KCNH8: variants seen among roughly 807,000 people sequenced by gnomAD.
KCNH8 encodes the protein voltage-gated delayed rectifier potassium channel KCNH8.
Under a neutral mutation model 103.6 loss-of-function variants are expected in KCNH8, and 70 were observed. The observed-to-expected ratio is 0.68, with a 90% CI of 0.56 to 0.82. The LOEUF is 0.82. KCNH8 is among the 40% of genes least tolerant of loss of function. The pLI, the probability that KCNH8 is intolerant of heterozygous loss-of-function variation, is 0.00. For synonymous variants in KCNH8, 498 were observed against 489.4 expected, an observed-to-expected ratio of 1.02 and a Z score of -0.23; for missense variants, 1,217 against 1,329.9, an observed-to-expected ratio of 0.92 and a Z score of 1.32.
intron 3 of KCNH8, among the ~76,000 whole-genome samples, chr3:19,303,071 A>G (rs564969408): frequency 1.3e-5 from 2 of 152,290 alleles, no homozygotes; most frequent in East Asian, 1.9e-4. Context: ...TACTTCCTCA[A>G]GGATATATCA....
chr3:19,211,537 C>G (rs926810190), intron 1 of KCNH8, among the ~76,000 whole-genome samples: 1 of 152,132 alleles, frequency 6.6e-6, no homozygotes, highest in Non-Finnish European at 1.5e-5. Context: ...GTTGAACCAT[C>G]AGTGAGAAAG....
intron 1 of KCNH8, among the ~76,000 whole-genome samples, chr3:19,190,083 A>G (rs1349371731): frequency 6.6e-6 from 1 of 151,804 alleles, no homozygotes; most frequent in East Asian, 1.9e-4. Flanking sequence ...CTGAGGGGGG[A>G]ATACTTAAGG....
intron 11 of KCNH8, among the ~76,000 whole-genome samples, chr3:19,466,694 G>A (rs1575100025): frequency 9.1e-6 from 1 of 109,732 alleles, no homozygotes; most frequent in African/African-American, 3.6e-5. Flanking sequence ...ATGAAGTCTC[G>A]CTCTTGCCGC....
At position 19,233,622 on chromosome 3, in the gene KCNH8, C is replaced by A. The variant is rs149422418; in HGVS notation, c.77-20032C>A. Reference sequence around the variant, plus strand: ...CATTGATGAGAAAAAAACATCAGTTCCCAGCCTGGGCCACTGTCTGTGTGG... The same window carrying A: ...CATTGATGAGAAAAAAACATCAGTTACCAGCCTGGGCCACTGTCTGTGTGG... On this transcript the variant is annotated intron_variant, in intron 1 of 15. Coordinates refer to ENST00000328405, the MANE Select transcript of KCNH8 (RefSeq NM_144633.3). 1.4e-3 allele frequency among the ~76,000 whole-genome samples: 217 copies of A among 152,218 alleles called. 2 individuals carry two copies. Among genetic ancestry groups the A allele is most frequent in the Admixed American group, 4.3e-3 (66 of 15,292 alleles).
intron 15 of KCNH8, among the ~76,000 whole-genome samples, chr3:19,533,138 A>C (rs1040068548): frequency 6.7e-6 from 1 of 149,326 alleles, no homozygotes; most frequent in African/African-American, 2.5e-5. Context: ...TGGGAGGTGG[A>C]GCTTGCAGTG....
intron 15 of KCNH8, among the ~76,000 whole-genome samples, chr3:19,520,098 A>G (rs1008509920): frequency 6.6e-6 from 1 of 150,928 alleles, no homozygotes; most frequent in African/African-American, 2.4e-5. Context: ...TTTAAATTAT[A>G]CTTTAAGTTC....
chr3:19,288,541 C>T (rs541972445), intron 3 of KCNH8, among the ~76,000 whole-genome samples: 24 of 152,128 alleles, frequency 1.6e-4, no homozygotes, highest in Non-Finnish European at 2.4e-4. Flanking sequence ...TCATCCATGT[C>T]CCTACAAAGG....
At chr3:19,265,826 C>T (rs184455823) in intron 2 of KCNH8, among the ~76,000 whole-genome samples, 12 of 152,180 alleles carry the variant, frequency 7.9e-5, no homozygotes, top group Admixed American at 2.6e-4. Flanking sequence ...CGACTGGCTA[C>T]AATTATATTA....
intron 1 of KCNH8, among the ~76,000 whole-genome samples, chr3:19,209,509 G>A (rs557427086): frequency 1.3e-5 from 2 of 152,086 alleles, no homozygotes; most frequent in African/African-American, 2.4e-5. Flanking sequence ...TGGGATTTTC[G>A]TAGGGTTTCT....
At chr3:19,462,569 A>G (rs947181660) in intron 11 of KCNH8, among the ~76,000 whole-genome samples, 1 of 152,110 alleles carries the variant, frequency 6.6e-6, no homozygotes, top group Non-Finnish European at 1.5e-5. Flanking sequence ...AGATGGCAGA[A>G]ATGTTCTCCC....
chr3:19,221,196 C>T (rs2063870334), intron 1 of KCNH8, among the ~76,000 whole-genome samples: 1 of 152,128 alleles, frequency 6.6e-6, no homozygotes, highest in Non-Finnish European at 1.5e-5. Context: ...CCAAGTATAG[C>T]TGTTGCTAGT....
intron 5 of KCNH8, among the ~76,000 whole-genome samples, chr3:19,382,070 A>G (rs1342004848): frequency 6.6e-6 from 1 of 152,192 alleles, no homozygotes; most frequent in Non-Finnish European, 1.5e-5. Flanking sequence ...CCTTAAGATC[A>G]ATGCATTTTA....
chr3:19,513,675 A>G (rs866648143), intron 13 of KCNH8, among the ~76,000 whole-genome samples: 1 of 152,168 alleles, frequency 6.6e-6, no homozygotes, highest in Non-Finnish European at 1.5e-5. Flanking sequence ...TATCCCCTCA[A>G]TGCTTGATCT....
intron 3 of KCNH8, among the ~76,000 whole-genome samples, chr3:19,293,425 T>C (rs1305817510): frequency 1.3e-5 from 2 of 152,214 alleles, no homozygotes. Context: ...ATCCTTACTA[T>C]TCAAAGTGTG....
Position 19,395,098 on chromosome 3 carries a change from C to A in KCNH8, c.970-6C>A. 6.2e-7 allele frequency: 1 copy of A among 1,609,310 alleles called. No homozygotes were observed. On this transcript the variant is annotated splice_region_variant and splice_polypyrimidine_tract_variant and intron_variant, in intron 6 of 15. Transcript: ENST00000328405. The stretch of plus-strand genomic sequence containing the variant: ...CCAAGTTGTGCTGCTCTGTCTCTTA[C>A]CACAGGTGTCTCTCGTGCATCTTCT...
At position 19,323,506 on chromosome 3, in the gene KCNH8, A is replaced by G. The variant is rs139309529; in HGVS notation, c.443-19081A>G. 3.2e-3 allele frequency among the ~76,000 whole-genome samples: 488 copies of G among 152,260 alleles called. 7 individuals carry two copies. The highest frequency in any genetic ancestry group is 0.011 in the African/African-American group (449 of 41,564). On this transcript the variant is annotated intron_variant, in intron 3 of 15. Coordinates refer to ENST00000328405, the MANE Select transcript of KCNH8 (RefSeq NM_144633.3). ...TGTCTTCTGAATTCTTTTTGTGGCA[A>G]TTCAGAGGTTTTGTCTTGGTTTGGA...
intron 5 of KCNH8, among the ~76,000 whole-genome samples, chr3:19,373,601 T>A (rs552870750): frequency 6.6e-6 from 1 of 152,282 alleles, no homozygotes; most frequent in East Asian, 1.9e-4. Context: ...TTTGTGTCTC[T>A]ATTTCCTTCA....
intron 1 of KCNH8, among the ~76,000 whole-genome samples, chr3:19,190,775 C>T (rs999818089): frequency 8.6e-5 from 13 of 151,976 alleles, no homozygotes; most frequent in African/African-American, 2.9e-4. Flanking sequence ...TAGGACTGTG[C>T]GCAGGAAGAA....
At chr3:19,277,844 C>T (rs1318117491) in intron 2 of KCNH8, among the ~76,000 whole-genome samples, 1 of 152,150 alleles carries the variant, frequency 6.6e-6, no homozygotes, top group Non-Finnish European at 1.5e-5. Flanking sequence ...AGAGCCTCAT[C>T]TGTGTTGACA....
Sources: allele counts gnomAD v4.1 joint callset (sites outside exome capture counted in the v4.1 genomes callset), GRCh38; gene constraint gnomAD v4.1.1; transcripts MANE v1.5; gene names NCBI Gene and HGNC (gene_info 2026-07-23, HGNC 2026-07-21).